Variants in DCN observed in about 807,000 individuals in gnomAD.
DCN encodes bone proteoglycan II.
Under a neutral mutation model 36.5 loss-of-function variants are expected in DCN, and 17 were observed. The observed-to-expected ratio is 0.47, with a 90% CI of 0.32 to 0.70. The LOEUF (loss-of-function observed/expected upper bound fraction) is 0.70. Ranked by LOEUF, DCN falls within the 30% of genes least tolerant of loss-of-function variation. The pLI, the probability that DCN is intolerant of heterozygous loss-of-function variation, is 0.04. For synonymous variants in DCN, 163 were observed against 161.4 expected (o/e 1.01, Z -0.07); for missense variants, 389 against 430.1 (o/e 0.90, Z 0.84).
chr12:91,147,863 T>G (rs559176733), intron 7 of DCN, among the ~76,000 whole-genome samples: 5 of 151,964 alleles, frequency 3.3e-5, no homozygotes, highest in Admixed American at 6.6e-5. Context: ...TTAATCAGAG[T>G]TTTTTTTCTG....
At chr12:91,147,386 C>T (rs1375861639) in intron 7 of DCN, among the ~76,000 whole-genome samples, 3 of 152,122 alleles carry the variant, frequency 2.0e-5, no homozygotes, top group East Asian at 3.9e-4. Context: ...GGCAGAATTA[C>T]GTTACATGTT....
intron 2 of DCN, among the ~76,000 whole-genome samples, chr12:91,167,821 G>GT (rs1374934718): frequency 1.3e-5 from 2 of 151,960 alleles, no homozygotes; most frequent in African/African-American, 4.8e-5. Context: ...CCAGAACTAT[G>GT]TTTTTTGTTT....
chr12:91,178,733 A>T lies in DCN; in HGVS notation c.-33-148T>A, dbSNP rs1210700180. ...TCAGGAAGCAGAGCATTAAAAATGT[A>T]TTGAAAGACAATCAGGTACATTATA... On this transcript the variant is annotated intron_variant, in intron 1 of 7. Coordinates refer to ENST00000052754, the MANE Select transcript of DCN (RefSeq NM_001920.5). 5 of 651,694 alleles carry T rather than the reference A, an allele frequency of 7.7e-6. No homozygotes were observed. The Admixed American group carries it at 1.2e-4, about 15-fold the overall frequency. The allele number at this position is 651,694 out of a possible 1,614,324, so 40.4% of individuals were successfully genotyped here.
At position 91,141,949 on chromosome 12, in the gene DCN, AG is replaced by A. The variant is rs2121102945; in HGVS notation, c.*4108del. On this transcript the variant is annotated 3_prime_UTR_variant, in exon 8 of 8. Coordinates refer to ENST00000052754, the MANE Select transcript of DCN (RefSeq NM_001920.5). ...GCTCAAAATTGTTCAACTTCTTTGA[AG>A]GTTGTTTTAGTTTCCTGAATGCGTA... 6.6e-6 allele frequency: 1 copy of A among 152,252 alleles called. No homozygotes were observed. The highest frequency in any genetic ancestry group is 1.9e-4 in the East Asian group (1 of 5,170). 9.4% of individuals were successfully genotyped at this position (152,252 alleles called of 1,614,324 possible). A position where few individuals can be genotyped will look rare whatever the true frequency, so the allele number is the denominator to read the frequency against.
intron 2 of DCN, among the ~76,000 whole-genome samples, chr12:91,171,256 T>A (rs968313098): frequency 2.0e-5 from 3 of 152,210 alleles, no homozygotes; most frequent in African/African-American, 7.2e-5. Flanking sequence ...TTTGTAATCA[T>A]TAAATAATGA....
intron 2 of DCN, among the ~76,000 whole-genome samples, chr12:91,166,090 C>A (rs1882549202): frequency 6.6e-6 from 1 of 152,114 alleles, no homozygotes; most frequent in African/African-American, 2.4e-5. Context: ...GTACCTGAAG[C>A]TACCTATTTC....
intron 6 of DCN, among the ~76,000 whole-genome samples, chr12:91,152,680 T>A (rs1214101680): frequency 6.6e-6 from 1 of 152,160 alleles, no homozygotes; most frequent in East Asian, 1.9e-4. Flanking sequence ...AAAATAGTAA[T>A]TTGTGTGATG....
At position 91,158,438 on chromosome 12, in the gene DCN, T is replaced by A. The variant is rs143385640; in HGVS notation, c.396A>T (p.Glu132Asp). The A allele has an allele frequency of 6.2e-7, 1 of 1,610,808 alleles. No homozygotes were observed. The highest frequency in any genetic ancestry group is 1.3e-5 in the African/African-American group (1 of 74,858). Residue 132 changes from glutamate to aspartate, a missense_variant, in exon 4 of 8, where the codon GAA (glutamate) becomes GAT (aspartate). Transcript: ENST00000052754. ...GCTGATTCTTGGACAGATAAAGTCG[T>A]TCCAACTTCACCAAAGGTGTAAATG... ...PGAFTPLVKL[E>D]RLYLSKNQLK...
Position 91,141,988 on chromosome 12 carries a change from G to GT in DCN, c.*4069dup, listed in dbSNP as rs1314203107. On this transcript the variant is annotated 3_prime_UTR_variant, in exon 8 of 8. Coordinates refer to ENST00000052754, the MANE Select transcript of DCN (RefSeq NM_001920.5). ...TCCTGAATGCGTATGCTTGTATATGGTTTTAATAAGTTTAGTGTTCTCCCT... is the reference window on the plus strand; with the variant it reads ...TCCTGAATGCGTATGCTTGTATATGGTTTTTAATAAGTTTAGTGTTCTCCCT... 3.3e-5 allele frequency: 5 copies of GT among 152,134 alleles called. No homozygotes were observed. Among genetic ancestry groups the GT allele is most frequent in the African/African-American group, 1.2e-4 (5 of 41,420 alleles). 9.4% of individuals were successfully genotyped at this position (152,134 alleles called of 1,614,324 possible).
chr12:91,173,985 C>T (rs1456719809), intron 2 of DCN, among the ~76,000 whole-genome samples: 1 of 152,100 alleles, frequency 6.6e-6, no homozygotes, highest in Non-Finnish European at 1.5e-5. Flanking sequence ...ACATTATTTG[C>T]ATTATAAGGT....
chr12:91,172,310 G>A (rs1221962574), intron 2 of DCN: 1 of 154,282 alleles, frequency 6.5e-6, no homozygotes, highest in African/African-American at 2.4e-5. Flanking sequence ...CAAATTCTAA[G>A]ATTTATTCTT....
At chr12:91,165,853 T>C (rs918795537) in intron 2 of DCN, among the ~76,000 whole-genome samples, 15 of 152,156 alleles carry the variant, frequency 9.9e-5, no homozygotes, top group Admixed American at 2.6e-4. Flanking sequence ...CATGAATTTA[T>C]TAGATCCTGG....
intron 2 of DCN, among the ~76,000 whole-genome samples, chr12:91,167,484 C>A (rs1407010270): frequency 1.3e-5 from 2 of 151,884 alleles, no homozygotes. Flanking sequence ...CACACACACA[C>A]ACACACACAC....
At chr12:91,177,720 A>G (rs1342997503) in intron 2 of DCN, 1 of 695,916 alleles carries the variant, frequency 1.4e-6, no homozygotes, top group Non-Finnish European at 2.6e-6. Context: ...CCTTAGTGAT[A>G]AATATTTCCT....
At chr12:91,162,223 G>A (rs1882205800) in intron 3 of DCN, among the ~76,000 whole-genome samples, 1 of 152,156 alleles carries the variant, frequency 6.6e-6, no homozygotes, top group African/African-American at 2.4e-5. Flanking sequence ...ACAGGCATGA[G>A]CCACTGCACC....
chr12:91,180,294 G>C (rs200418962), intron 1 of DCN: 2 of 101,924 alleles, frequency 2.0e-5, no homozygotes, highest in Non-Finnish European at 3.8e-5. Context: ...AAAAAAAGAA[G>C]AAAGAAAGAA....
At position 91,141,487 on chromosome 12, in the gene DCN, T is replaced by A. The variant is rs1386734875; in HGVS notation, c.*4571A>T. ...CCTTATTCCCCAGTTCTGCTTGACA[T>A]TCCTCCACTTTAATTGTCATGTCCT... On this transcript the variant is annotated 3_prime_UTR_variant, in exon 8 of 8. Coordinates refer to ENST00000052754, the MANE Select transcript of DCN (RefSeq NM_001920.5). The A allele has an allele frequency of 6.6e-6, 1 of 152,130 alleles. No homozygotes were observed. The highest frequency in any genetic ancestry group is 1.5e-5 in the Non-Finnish European group (1 of 68,092). The allele number at this position is 152,130 out of a possible 1,614,324, so 9.4% of individuals were successfully genotyped here.
At chr12:91,157,270 C>T (rs953386337) in intron 4 of DCN, 82 bp from the exon 5 acceptor site, 3 of 977,140 alleles carry the variant, frequency 3.1e-6, no homozygotes, top group Non-Finnish European at 5.0e-6. Flanking sequence ...CAGCAAGCAA[C>T]CTATAAAGAA....
intron 5 of DCN, among the ~76,000 whole-genome samples, chr12:91,154,705 T>G (rs1306335168): frequency 6.6e-6 from 1 of 152,178 alleles, no homozygotes; most frequent in Non-Finnish European, 1.5e-5. Flanking sequence ...GTTCATTTAT[T>G]TTAAATTTTC....
Sources: allele counts gnomAD v4.1 joint callset (sites outside exome capture counted in the v4.1 genomes callset), GRCh38; gene constraint gnomAD v4.1.1; transcripts MANE v1.5; gene names NCBI Gene and HGNC (gene_info 2026-07-23, HGNC 2026-07-21).